CMSS1: variants seen among roughly 807,000 people sequenced by gnomAD.
CMSS1 encodes the protein protein CMSS1.
CMSS1 carries 33 observed loss-of-function variants against 43.5 expected under a neutral mutation model. The ratio of observed to expected loss-of-function variants is 0.76; its 90% CI spans 0.57 to 1.01. The LOEUF is 1.01. Among genes scored for constraint, CMSS1 ranks in the 50% least tolerant of loss-of-function variants. The pLI is 0.00. For synonymous variants in CMSS1, 115 were observed against 117.2 expected (o/e 0.98, Z 0.12); for missense variants, 313 against 326.4 (o/e 0.96, Z 0.32).
intron 1 of CMSS1, among the ~76,000 whole-genome samples, chr3:99,945,408 C>G (rs919313526): frequency 5.3e-5 from 8 of 152,136 alleles, no homozygotes; most frequent in Non-Finnish European, 1.0e-4. Context: ...GGGGTTCCAC[C>G]CACTGTGTGT....
intron 1 of CMSS1, among the ~76,000 whole-genome samples, chr3:100,131,594 T>C (rs929213297): frequency 2.0e-5 from 3 of 152,198 alleles, no homozygotes; most frequent in Admixed American, 6.5e-5. Flanking sequence ...GCCTCAGGCC[T>C]TTCCCAGTTC....
At chr3:100,030,748 G>A (rs992964072) in intron 1 of CMSS1, among the ~76,000 whole-genome samples, 27 of 152,140 alleles carry the variant, frequency 1.8e-4, no homozygotes, top group Non-Finnish European at 3.5e-4. Context: ...GTTAGCAAAA[G>A]GGAGATTGGT....
At chr3:100,157,465 A>G (rs183925221) in intron 2 of CMSS1, among the ~76,000 whole-genome samples, 1 of 152,338 alleles carries the variant, frequency 6.6e-6, no homozygotes, top group Admixed American at 6.5e-5. Context: ...AGAGAGATAC[A>G]CTGAAACAGT....
Position 100,038,600 on chromosome 3 carries a change from G to T in CMSS1, c.65-108373G>T, listed in dbSNP as rs568280973. Among the ~76,000 whole-genome samples, 3 of 152,308 alleles carry T rather than the reference G, an allele frequency of 2.0e-5. No homozygotes were observed. In the East Asian group the frequency reaches 5.8e-4, roughly 29 times the overall value. On this transcript the variant is annotated intron_variant, in intron 1 of 9. Transcript: ENST00000421999. ...TTTTGTAGGGACTGGAAGTAAATAG[G>T]ATTATTCATTTATCCAATACTATGC...
At chr3:100,152,700 C>T (rs2066930907) in intron 2 of CMSS1, among the ~76,000 whole-genome samples, 2 of 152,184 alleles carry the variant, frequency 1.3e-5, no homozygotes, top group African/African-American at 4.8e-5. Context: ...CAGGTGTCAC[C>T]TTCAACACTA....
chr3:100,175,119 A>AT (rs1475706050), intron 8 of CMSS1, among the ~76,000 whole-genome samples: 1 of 151,980 alleles, frequency 6.6e-6, no homozygotes, highest in East Asian at 1.9e-4. Flanking sequence ...TTGTAAATTT[A>AT]TTTTTTTGCA....
At chr3:100,083,112 T>A (rs2065956640) in intron 1 of CMSS1, among the ~76,000 whole-genome samples, 1 of 152,208 alleles carries the variant, frequency 6.6e-6, no homozygotes, top group Admixed American at 6.5e-5. Context: ...TTTTATTGTT[T>A]AGGGTCAGAC....
chr3:99,945,253 T>C lies in CMSS1; in HGVS notation c.64+127210T>C, dbSNP rs566293780. ...AGGGCCATCTCCACCCTTTCCAAAG[T>C]CCCACTCATCGCTACGAAGGAGTGC... On this transcript the variant is annotated intron_variant, in intron 1 of 9. Coordinates refer to ENST00000421999, the MANE Select transcript of CMSS1 (RefSeq NM_032359.4). Among the ~76,000 whole-genome samples, 525 of 152,276 alleles carry C rather than the reference T, an allele frequency of 3.4e-3. 2 individuals are homozygous for C. The highest frequency in any genetic ancestry group is 4.9e-3 in the Non-Finnish European group (336 of 68,008).
chr3:100,101,971 T>C (rs1358443074), intron 1 of CMSS1, among the ~76,000 whole-genome samples: 1 of 152,216 alleles, frequency 6.6e-6, no homozygotes, highest in African/African-American at 2.4e-5. Context: ...TATGGCTGCA[T>C]AGTATTCCAT....
At chr3:100,033,008 A>G (rs1214919674) in intron 1 of CMSS1, among the ~76,000 whole-genome samples, 2 of 151,958 alleles carry the variant, frequency 1.3e-5, no homozygotes, top group Non-Finnish European at 2.9e-5. Context: ...TCCCCCTCAC[A>G]TGAAAGTTAG....
chr3:99,848,880 A>G lies in CMSS1; in HGVS notation c.64+30837A>G, dbSNP rs745635964. On this transcript the variant is annotated intron_variant, in intron 1 of 9. Coordinates refer to ENST00000421999, the MANE Select transcript of CMSS1 (RefSeq NM_032359.4). ...TGCCACAGTTCGGTATCACTGCAGT[A>G]CTCGTGTAAGAGTGAGGACTCTCTG... 56 of 1,613,636 alleles carry G rather than the reference A, an allele frequency of 3.5e-5. No homozygotes were observed. The highest frequency in any genetic ancestry group is 1.7e-5 in the Admixed American group (1 of 59,976).
At chr3:100,029,042 G>A (rs1003976445) in intron 1 of CMSS1, among the ~76,000 whole-genome samples, 1 of 151,992 alleles carries the variant, frequency 6.6e-6, no homozygotes. Flanking sequence ...AAATTTTTTT[G>A]AGCCTGGAAT....
In CMSS1 at chr3:99,986,730, G is replaced by A. The variant is rs978233422; in HGVS notation, c.65-160243G>A. Among the ~76,000 whole-genome samples, 107 of 152,230 alleles carry A rather than the reference G, an allele frequency of 7.0e-4. 2 individuals are homozygous for A. Among genetic ancestry groups the A allele is most frequent in the Non-Finnish European group, 1.5e-4 (10 of 68,006 alleles). On this transcript the variant is annotated intron_variant, in intron 1 of 9. Transcript: ENST00000421999. ...TTCCTCTAGTCTAGTGGCCCTAAGC[G>A]GGGGATTCTTTTGCCCCACCCCCAG...
intron 1 of CMSS1, among the ~76,000 whole-genome samples, chr3:99,861,619 A>G (rs962719721): frequency 3.9e-5 from 6 of 152,092 alleles, no homozygotes; most frequent in Non-Finnish European, 8.8e-5. Flanking sequence ...AGCCTTCTTT[A>G]AGACAGGGAT....
chr3:99,948,820 A>C (rs941471874), intron 1 of CMSS1, among the ~76,000 whole-genome samples: 1 of 152,214 alleles, frequency 6.6e-6, no homozygotes, highest in African/African-American at 2.4e-5. Context: ...CCTCAGAATC[A>C]TAAGACATCA....
intron 1 of CMSS1, among the ~76,000 whole-genome samples, chr3:100,004,576 C>A (rs1192480439): frequency 6.6e-6 from 1 of 152,028 alleles, no homozygotes; most frequent in African/African-American, 2.4e-5. Flanking sequence ...AAGGTCAAAA[C>A]CAAGATACAA....
intron 1 of CMSS1, among the ~76,000 whole-genome samples, chr3:100,021,365 A>T (rs1392189942): frequency 6.6e-6 from 1 of 152,204 alleles, no homozygotes; most frequent in Non-Finnish European, 1.5e-5. Flanking sequence ...GCTGCCTTCC[A>T]AGTTCAGCAT....
In CMSS1 at chr3:99,927,924, C is replaced by T. The variant is rs117786530; in HGVS notation, c.64+109881C>T. ...CAGTGTTCCTGTCGTGTCATGTAAC[C>T]GAGAGCTGTTTGTTCTTCTAAGTTA... On this transcript the variant is annotated intron_variant, in intron 1 of 9. Coordinates refer to ENST00000421999, the MANE Select transcript of CMSS1 (RefSeq NM_032359.4). 8.3e-4 allele frequency among the ~76,000 whole-genome samples: 127 copies of T among 152,134 alleles called. No individual in the cohort carries two copies. In the East Asian group the frequency reaches 0.019, roughly 22 times the overall value.
intron 1 of CMSS1, among the ~76,000 whole-genome samples, chr3:99,958,652 G>T (rs1441682811): frequency 6.6e-6 from 1 of 152,122 alleles, no homozygotes; most frequent in Non-Finnish European, 1.5e-5. Context: ...TGGTACTCTT[G>T]CAGGAGAAGA....
Sources: gnomAD v4.1 joint callset for allele counts (sites outside exome capture counted in the v4.1 genomes callset) on GRCh38, gnomAD v4.1.1 for gene constraint, MANE v1.5 for transcripts, NCBI Gene and HGNC (gene_info 2026-07-23, HGNC 2026-07-21) for gene names.